The following PRKCZ variants were observed in gnomAD, a reference collection of about 807,000 sequenced individuals.
PRKCZ encodes protein kinase C zeta type.
In PRKCZ, 33 loss-of-function variants were observed where a neutral mutation model predicts 79.5. The ratio of observed to expected loss-of-function variants is 0.41; its 90% confidence interval spans 0.31 to 0.55. PRKCZ has a LOEUF of 0.55. Ranked by LOEUF, PRKCZ falls within the 20% of genes least tolerant of loss-of-function variation. The pLI is 0.19. For missense variants in PRKCZ, 578 were observed against 813.5 expected, an observed-to-expected ratio of 0.71 and a Z score of 3.52; for synonymous variants, 342 against 320.9, an observed-to-expected ratio of 1.07 and a Z score of -0.70.
chr1:2,119,666 C>G (rs978529311), intron 4 of PRKCZ, among the ~76,000 whole-genome samples: 1 of 152,204 alleles, frequency 6.6e-6, no homozygotes, highest in African/African-American at 2.4e-5. Context: ...CCCCAGGTTA[C>G]CCTTCTAGTC....
chr1:2,144,127 G>C, intron 5 of PRKCZ, 83 bp from the exon 6 acceptor site: 2 of 1,501,408 alleles, frequency 1.3e-6, no homozygotes, highest in Non-Finnish European at 9.0e-7. Context: ...CTTTTGAGAA[G>C]GTATAGGTGT....
rs1685976799 is a variant in PRKCZ at position 2,178,806 on chromosome 1, CAG to C, written c.1575+3494_1575+3495del. The stretch of plus-strand genomic sequence containing the variant: ...AGGCCTTGGTCCCCACCTGTGGACT[CAG>C]GGTCTCTTTCACGGACTGCGGGGAA... On this transcript the variant is annotated intron_variant, in intron 16 of 17. Transcript: ENST00000378567. The surrounding 1 kb of genome is among the most constrained non-coding windows in gnomAD (Gnocchi z 4.3). Among the ~76,000 whole-genome samples, 1 of 152,182 alleles carries C rather than the reference CAG, an allele frequency of 6.6e-6. No homozygotes were observed. The highest frequency in any genetic ancestry group is 1.5e-5 in the Non-Finnish European group (1 of 68,026).
At chr1:2,163,044 C>T (rs961149702) in intron 10 of PRKCZ, among the ~76,000 whole-genome samples, 1 of 152,180 alleles carries the variant, frequency 6.6e-6, no homozygotes, top group Non-Finnish European at 1.5e-5. Flanking sequence ...CCACCTCAGC[C>T]GCTGCAACCA....
intron 16 of PRKCZ, chr1:2,181,818 C>G (rs1413707143): frequency 4.4e-6 from 2 of 455,744 alleles, no homozygotes; most frequent in Non-Finnish European, 8.8e-6. Context: ...CCCTTTTTCA[C>G]ATTTTATCGG....
intron 4 of PRKCZ, among the ~76,000 whole-genome samples, chr1:2,106,080 A>ATGAGGGCCTCGCCCAGGACT (rs1668353180): frequency 6.6e-6 from 1 of 152,150 alleles, no homozygotes; most frequent in Admixed American, 6.5e-5. Context: ...TTGTTGGGAG[A>ATGAGGGCCTCGCCCAGGACT]TGAGGGCCTC....
At chr1:2,105,845 CAT>C (rs1342727008) in intron 4 of PRKCZ, among the ~76,000 whole-genome samples, 2 of 152,370 alleles carry the variant, frequency 1.3e-5, no homozygotes, top group African/African-American at 2.4e-5. Flanking sequence ...CTTTCAGACA[CAT>C]AGTTGTCATC....
At chr1:2,152,764 T>G (rs987782699) in intron 9 of PRKCZ, among the ~76,000 whole-genome samples, 1 of 152,152 alleles carries the variant, frequency 6.6e-6, no homozygotes, top group Admixed American at 6.5e-5. Context: ...GAGTTGTGTG[T>G]GAGCTTTTGG....
At chr1:2,159,776 C>T (rs938487017) in intron 10 of PRKCZ, among the ~76,000 whole-genome samples, 1 of 152,020 alleles carries the variant, frequency 6.6e-6, no homozygotes, top group South Asian at 2.1e-4. Flanking sequence ...CAAACCATAC[C>T]CCATATCTAC....
At chr1:2,077,215 G>A (rs370452689) in intron 4 of PRKCZ, among the ~76,000 whole-genome samples, 2 of 152,238 alleles carry the variant, frequency 1.3e-5, no homozygotes, top group African/African-American at 4.8e-5. Context: ...CACGCGCTCT[G>A]GTGGGTGGAA....
chr1:2,076,019 T>G (rs779058512), intron 4 of PRKCZ, among the ~76,000 whole-genome samples: 2 of 152,104 alleles, frequency 1.3e-5, no homozygotes, highest in Non-Finnish European at 2.9e-5. Context: ...TCCCAAAATG[T>G]GGGGTAGCCA....
intron 4 of PRKCZ, chr1:2,104,658 T>G (rs997010692): frequency 6.2e-5 from 61 of 982,448 alleles, no homozygotes; most frequent in Non-Finnish European, 7.4e-5. Flanking sequence ...GGGAAGCCAG[T>G]GTGGGTGGGG....
intron 10 of PRKCZ, among the ~76,000 whole-genome samples, chr1:2,166,026 G>C (rs890211328): frequency 6.6e-6 from 1 of 152,232 alleles, no homozygotes; most frequent in African/African-American, 2.4e-5. Context: ...GGATCCGGCT[G>C]CGGTCTGCGT....
rs536418320 is a variant in PRKCZ at position 2,085,200 on chromosome 1, G to A, written c.334+25609G>A. Among the ~76,000 whole-genome samples, 8 of 152,278 alleles carry A rather than the reference G, an allele frequency of 5.3e-5. No homozygotes were observed. In the South Asian group the frequency reaches 1.2e-3, roughly 24 times the overall value. ...ATTTATTTAAAGGGAAGACAAAGAC[G>A]TAGACTGTACGGCTCTCTGAAACTT... On this transcript the variant is annotated intron_variant, in intron 4 of 17. Coordinates refer to ENST00000378567, the MANE Select transcript of PRKCZ (RefSeq NM_002744.6).
chr1:2,070,468 G>A (rs935203167), intron 4 of PRKCZ, among the ~76,000 whole-genome samples: 5 of 152,174 alleles, frequency 3.3e-5, no homozygotes, highest in African/African-American at 1.2e-4. Context: ...TTGCCTCTGG[G>A]TATATTCCCT....
At chr1:2,157,303 C>T (rs1187678810) in intron 10 of PRKCZ, among the ~76,000 whole-genome samples, 2 of 152,186 alleles carry the variant, frequency 1.3e-5, no homozygotes, top group African/African-American at 2.4e-5. Flanking sequence ...TAGGGCGTCC[C>T]GTGCCCAGTC....
chr1:2,050,552 G>GAACAC lies in PRKCZ; in HGVS notation c.-79_-78insAACAC. 2.2e-6 allele frequency: 2 copies of GAACAC among 929,032 alleles called. No individual in the cohort carries two copies. The highest frequency in any genetic ancestry group is 3.4e-5 in the African/African-American group (2 of 58,016). 57.5% of individuals were successfully genotyped at this position (929,032 alleles called of 1,614,324 possible). A position where few individuals can be genotyped will look rare whatever the true frequency, so the allele number is the denominator to read the frequency against. The stretch of plus-strand genomic sequence containing the variant: ...GCGCTGCCTTCCGCGTTCCGCCGCG[G>GAACAC]CCCCACCTGGAGCCCCCGCCCCGCG... On this transcript the variant is annotated 5_prime_UTR_variant, in exon 1 of 18. Transcript: ENST00000378567.
chr1:2,126,316 G>T (rs939289726), intron 4 of PRKCZ, among the ~76,000 whole-genome samples: 1 of 152,162 alleles, frequency 6.6e-6, no homozygotes, highest in African/African-American at 2.4e-5. Flanking sequence ...TGCTGACCTG[G>T]GCTGCAGGGG....
At chr1:2,056,616 C>G (rs1358346797) in intron 3 of PRKCZ, 43 bp downstream of exon 3, 1 of 1,555,990 alleles carries the variant, frequency 6.4e-7, no homozygotes, top group Non-Finnish European at 8.8e-7. Context: ...GGGGGCTGTT[C>G]CTGGCTGTGG....
intron 4 of PRKCZ, among the ~76,000 whole-genome samples, chr1:2,076,222 C>T (rs528985864): frequency 9.9e-5 from 15 of 152,244 alleles, no homozygotes; most frequent in African/African-American, 2.6e-4. Flanking sequence ...TCGTGGTGCT[C>T]GAGTGTGGGC....
Sources: allele counts gnomAD v4.1 joint callset (sites outside exome capture counted in the v4.1 genomes callset), GRCh38; gene constraint gnomAD v4.1.1; non-coding constraint Gnocchi (gnomAD v3.1); transcripts MANE v1.5; gene names NCBI Gene and HGNC (gene_info 2026-07-23, HGNC 2026-07-21).